The following FHOD3 variants were observed in gnomAD, a reference collection of about 807,000 sequenced individuals.
FHOD3 encodes the protein formin homology 2 domain containing 3.
A neutral mutation model predicts 173.0 loss-of-function variants in FHOD3; 90 were observed. The observed-to-expected ratio is 0.52, with a 90% CI of 0.44 to 0.62. The LOEUF is 0.62. FHOD3 is among the 20% of genes least tolerant of loss of function. FHOD3 has a pLI of 0.00. For missense variants in FHOD3, 1,945 were observed against 2,034.7 expected, an observed-to-expected ratio of 0.96 and a Z score of 0.85; for synonymous variants, 828 against 823.0, an observed-to-expected ratio of 1.01 and a Z score of -0.10.
chr18:36,681,092 G>A (rs1005378139), intron 14 of FHOD3, among the ~76,000 whole-genome samples: 17 of 152,060 alleles, frequency 1.1e-4, no homozygotes, highest in Admixed American at 3.3e-4. Context: ...GCTCATCTAC[G>A]TCTTAACATA....
chr18:36,400,123 C>T (rs1443258080), intron 3 of FHOD3, among the ~76,000 whole-genome samples: 1 of 152,154 alleles, frequency 6.6e-6, no homozygotes, highest in Non-Finnish European at 1.5e-5. Context: ...TGATTCTCAA[C>T]AGTAGAGTTT....
intron 3 of FHOD3, among the ~76,000 whole-genome samples, chr18:36,489,835 G>T (rs974892113): frequency 5.3e-5 from 8 of 152,152 alleles, no homozygotes; most frequent in Admixed American, 5.2e-4. Flanking sequence ...CCTAATTATG[G>T]GAAAAGAGAA....
At chr18:36,643,040 C>T (rs1166361701) in intron 10 of FHOD3, among the ~76,000 whole-genome samples, 2 of 151,714 alleles carry the variant, frequency 1.3e-5, no homozygotes, top group African/African-American at 2.4e-5. Flanking sequence ...GGTCACTCAG[C>T]GTTATGTTTC....
chr18:36,384,302 C>T (rs1050571009), intron 3 of FHOD3, among the ~76,000 whole-genome samples: 4 of 152,002 alleles, frequency 2.6e-5, no homozygotes, highest in African/African-American at 7.3e-5. Context: ...ATGGTGTGAA[C>T]CCAGGAGGCG....
At chr18:36,715,858 G>A (rs756720083) in intron 18 of FHOD3, among the ~76,000 whole-genome samples, 5 of 152,204 alleles carry the variant, frequency 3.3e-5, no homozygotes, top group Non-Finnish European at 7.3e-5. Flanking sequence ...AGAGGTCAAG[G>A]ATAAAATTGT....
rs536002375 is a variant in FHOD3 at position 36,554,052 on chromosome 18, G to C, written c.512-22399G>C. Among the ~76,000 whole-genome samples the C allele has an allele frequency of 1.1e-4, 17 of 152,262 alleles. 1 individual carries two copies. In the South Asian group the frequency reaches 2.1e-3, roughly 19 times the overall value. ...ACACTGTTGGTGGGACTGTAAACTA[G>C]TTCAACCATTGTGGAAGTCAGTGTG... is the stretch of plus-strand genomic sequence containing the variant. On this transcript the variant is annotated intron_variant, in intron 5 of 28. Transcript: ENST00000590592.
intron 5 of FHOD3, among the ~76,000 whole-genome samples, chr18:36,542,709 A>G (rs767212933): frequency 6.6e-6 from 1 of 152,330 alleles, no homozygotes; most frequent in South Asian, 2.1e-4. Flanking sequence ...TGAGATTCAT[A>G]TGATTTCCTT....
chr18:36,550,243 CATATATATAT>C (rs371573246), intron 5 of FHOD3, among the ~76,000 whole-genome samples: 2 of 120,714 alleles, frequency 1.7e-5, no homozygotes, highest in Non-Finnish European at 3.4e-5. Flanking sequence ...AGTGGTAGAC[CATATATATAT>C]ATATATATAT....
intron 18 of FHOD3, 77 bp downstream of exon 18, chr18:36,709,468 T>A: frequency 6.8e-7 from 1 of 1,479,532 alleles, no homozygotes; most frequent in Non-Finnish European, 9.1e-7. Flanking sequence ...TAAGAGCTTG[T>A]CCACAGGCTG....
At position 36,658,173 on chromosome 18, in the gene FHOD3, A is replaced by C; in HGVS notation, c.1820A>C (p.Glu607Ala). ...ACATCATCCGTCTCACCCCCACAGG[A>C]GGCCAGGTTGGAAAGGTGAGTTCGA... ...TPTSSVSPPQ[E>A]ARLERSSPSG... The change falls in exon 14 of 29, where the codon GAG (glutamate) becomes GCG (alanine). Residue 607 changes from glutamate (E) to alanine (A), a missense_variant. By Grantham distance (107) the Glu-to-Ala change is moderately radical (BLOSUM62 -1). Transcript: ENST00000590592. The C allele has an allele frequency of 6.3e-7, 1 of 1,584,696 alleles. No homozygotes were observed. Among genetic ancestry groups the C allele is most frequent in the Non-Finnish European group, 8.6e-7 (1 of 1,168,626 alleles).
chr18:36,696,094 G>A (rs969217627), intron 17 of FHOD3, among the ~76,000 whole-genome samples: 1 of 152,084 alleles, frequency 6.6e-6, no homozygotes, highest in East Asian at 1.9e-4. Context: ...TTTCCCAAAC[G>A]TATCTGGGTA....
intron 28 of FHOD3, among the ~76,000 whole-genome samples, chr18:36,774,641 G>C (rs917348167): frequency 2.0e-5 from 3 of 152,130 alleles, no homozygotes; most frequent in African/African-American, 7.2e-5. Context: ...GTTGTTCTGG[G>C]TTTTATCGCT....
At chr18:36,688,069 C>A (rs1043407238) in intron 16 of FHOD3, among the ~76,000 whole-genome samples, 2 of 152,186 alleles carry the variant, frequency 1.3e-5, no homozygotes, top group Non-Finnish European at 2.9e-5. Flanking sequence ...ATTTCAATGG[C>A]AACATGCTTT....
chr18:36,361,757 G>A (rs1342490737), intron 2 of FHOD3, among the ~76,000 whole-genome samples: 1 of 151,576 alleles, frequency 6.6e-6, no homozygotes, highest in Non-Finnish European at 1.5e-5. Flanking sequence ...GGAACCTGCA[G>A]CGTAGGCTCT....
chr18:36,765,026 A>C (rs1439386459), intron 27 of FHOD3, among the ~76,000 whole-genome samples: 5 of 152,190 alleles, frequency 3.3e-5, no homozygotes, highest in Non-Finnish European at 7.3e-5. Context: ...CAGAATTTGT[A>C]GTAGCTGTAT....
intron 3 of FHOD3, among the ~76,000 whole-genome samples, chr18:36,460,770 A>T (rs2052501978): frequency 6.6e-6 from 1 of 152,202 alleles, no homozygotes; most frequent in East Asian, 1.9e-4. Flanking sequence ...TAATAGGTCA[A>T]ATTTGGACAT....
At chr18:36,455,056 T>G (rs1165252750) in intron 3 of FHOD3, among the ~76,000 whole-genome samples, 1 of 152,188 alleles carries the variant, frequency 6.6e-6, no homozygotes, top group Non-Finnish European at 1.5e-5. Flanking sequence ...GGCATAAACC[T>G]GCAAGAACAA....
chr18:36,370,067 C>G (rs780811748), intron 2 of FHOD3, among the ~76,000 whole-genome samples: 1 of 152,212 alleles, frequency 6.6e-6, no homozygotes, highest in Non-Finnish European at 1.5e-5. Flanking sequence ...GGTGAGAGGT[C>G]ACAGATGCCC....
rs1185600976 is a variant in FHOD3 at position 36,750,830 on chromosome 18, TC to T, written c.4232+3697del. On this transcript the variant is annotated intron_variant, in intron 24 of 28. Transcript: ENST00000590592. ...CTTATTTCTGGGCTTTCTATTCTGTTCCATTGGTCTATGTGCCTGTTTCTGT... is the reference window on the plus strand; with the variant it reads ...CTTATTTCTGGGCTTTCTATTCTGTTCATTGGTCTATGTGCCTGTTTCTGT... Among the ~76,000 whole-genome samples the T allele has an allele frequency of 2.6e-5, 4 of 152,368 alleles. No homozygotes were observed. The East Asian group carries it at 7.7e-4, about 29-fold the overall frequency.
Sources: allele counts gnomAD v4.1 joint callset (sites outside exome capture counted in the v4.1 genomes callset), GRCh38; gene constraint gnomAD v4.1.1; transcripts MANE v1.5; gene names NCBI Gene and HGNC (gene_info 2026-07-23, HGNC 2026-07-21).